Variants in GK5 observed in about 807,000 individuals in gnomAD.
The protein encoded by GK5 is glycerol kinase 5, also known as ATP:glycerol 3-phosphotransferase 5.
In GK5, 39 loss-of-function variants were observed where a neutral mutation model predicts 77.3. The observed-to-expected ratio is 0.50, with a 90% CI of 0.39 to 0.66. The LOEUF is 0.66. Ranked by LOEUF, GK5 falls within the 30% of genes least tolerant of loss-of-function variation. The probability of loss-of-function intolerance (pLI) is 0.00; values close to 1 mark genes in which losing one functional copy is unlikely to be tolerated. For synonymous variants in GK5, 211 were observed against 208.0 expected (o/e 1.01, Z -0.13); for missense variants, 487 against 633.8 (o/e 0.77, Z 2.49).
intron 5 of GK5, 89 bp from the exon 6 acceptor site, chr3:142,187,868 C>G: frequency 1.1e-6 from 1 of 874,774 alleles, no homozygotes; most frequent in Non-Finnish European, 1.8e-6. Flanking sequence ...AATATAAACC[C>G]ATTTTTATAA....
At chr3:142,217,496 G>A (rs1351922786) in intron 1 of GK5, among the ~76,000 whole-genome samples, 2 of 151,924 alleles carry the variant, frequency 1.3e-5, no homozygotes, top group African/African-American at 4.8e-5. Flanking sequence ...AAAGATTGGA[G>A]GAAAAAGAAG....
At chr3:142,174,165 T>G (rs1483844144) in intron 12 of GK5, among the ~76,000 whole-genome samples, 1 of 152,190 alleles carries the variant, frequency 6.6e-6, no homozygotes, top group Non-Finnish European at 1.5e-5. Context: ...CCAGTGTGTC[T>G]CTTGTGCCTA....
At chr3:142,178,048 G>C (rs2063644357) in intron 11 of GK5, among the ~76,000 whole-genome samples, 1 of 151,890 alleles carries the variant, frequency 6.6e-6, no homozygotes, top group Non-Finnish European at 1.5e-5. Flanking sequence ...AGTAGAGATG[G>C]GGTTTCTCCA....
intron 1 of GK5, among the ~76,000 whole-genome samples, chr3:142,221,191 A>T (rs1353541289): frequency 6.6e-6 from 1 of 152,248 alleles, no homozygotes; most frequent in Non-Finnish European, 1.5e-5. Flanking sequence ...GTGGAAAAAG[A>T]ATCTCTTATT....
intron 9 of GK5, among the ~76,000 whole-genome samples, chr3:142,184,146 A>G (rs1324535576): frequency 1.3e-5 from 2 of 150,946 alleles, no homozygotes; most frequent in African/African-American, 4.9e-5. Context: ...CTGTAGTCCC[A>G]GCTACTCGGG....
chr3:142,177,727 CAAAGACCATT>C, intron 11 of GK5, 151 bp from the exon 12 acceptor site: 1 of 596,510 alleles, frequency 1.7e-6, no homozygotes, highest in Admixed American at 3.1e-5. Flanking sequence ...AGGGTCAGCA[CAAAGACCATT>C]CTGTTCTGGT....
intron 3 of GK5, among the ~76,000 whole-genome samples, chr3:142,205,873 C>T (rs978275120): frequency 1.3e-5 from 2 of 152,236 alleles, no homozygotes; most frequent in Non-Finnish European, 2.9e-5. Context: ...TCACCCCAAA[C>T]AGAAGCTCTA....
intron 11 of GK5, among the ~76,000 whole-genome samples, chr3:142,180,397 G>C (rs1283304877): frequency 1.3e-5 from 2 of 151,820 alleles, no homozygotes; most frequent in African/African-American, 4.8e-5. Flanking sequence ...CCACCTCCTG[G>C]GTTCAAGTGA....
In GK5 at chr3:142,207,855, G is replaced by C. The variant is rs138491724; in HGVS notation, c.318-3067C>G. ...CAGATCACGCAATATTCACTCTGTT[G>C]ATAGGGTCCTGTTTTTCACCTTTAT... On this transcript the variant is annotated intron_variant, in intron 3 of 15. Transcript: ENST00000392993. Among the ~76,000 whole-genome samples the C allele has an allele frequency of 2.0e-5, 3 of 152,266 alleles. No individual in the cohort carries two copies. In the East Asian group the frequency reaches 5.8e-4, roughly 29 times the overall value.
intron 5 of GK5, among the ~76,000 whole-genome samples, chr3:142,190,685 C>T (rs1281202715): frequency 2.0e-5 from 3 of 152,136 alleles, no homozygotes; most frequent in Non-Finnish European, 4.4e-5. Flanking sequence ...AGAAAGGGAA[C>T]TTCCTTAATT....
At chr3:142,186,999 G>C (rs1021230577) in intron 6 of GK5, among the ~76,000 whole-genome samples, 3 of 152,062 alleles carry the variant, frequency 2.0e-5, no homozygotes, top group Non-Finnish European at 4.4e-5. Context: ...AACTTTTATA[G>C]TTGTGCAAAA....
chr3:142,218,100 A>C (rs2064297106), intron 1 of GK5, among the ~76,000 whole-genome samples: 1 of 152,186 alleles, frequency 6.6e-6, no homozygotes. Flanking sequence ...AATGGAACAG[A>C]ATACAGAGTC....
rs2063397081 is a variant in GK5 at position 142,158,115 on chromosome 3, C to T, written c.*7507G>A. On this transcript the variant is annotated 3_prime_UTR_variant, in exon 16 of 16. Coordinates refer to ENST00000392993, the MANE Select transcript of GK5 (RefSeq NM_001039547.3). Reference sequence around the variant, plus strand: ...TACAGGCACCCGCCACCACGCCTGGCTAATTTTTTGTATTTTTAGTAGAGA... The same window carrying T: ...TACAGGCACCCGCCACCACGCCTGGTTAATTTTTTGTATTTTTAGTAGAGA... The T allele has an allele frequency of 6.6e-6, 1 of 152,196 alleles. No homozygotes were observed. The highest frequency in any genetic ancestry group is 6.6e-5 in the Admixed American group (1 of 15,262). The allele number at this position is 152,196 out of a possible 1,614,324, so 9.4% of individuals were successfully genotyped here. A position where few individuals can be genotyped will look rare whatever the true frequency, so the allele number is the denominator to read the frequency against.
intron 15 of GK5, among the ~76,000 whole-genome samples, chr3:142,169,427 C>T (rs1242539539): frequency 6.6e-6 from 1 of 152,186 alleles, no homozygotes; most frequent in Non-Finnish European, 1.5e-5. Flanking sequence ...ATCTGATCAC[C>T]CTGGCCTGCC....
intron 5 of GK5, among the ~76,000 whole-genome samples, chr3:142,194,280 C>G (rs1366004603): frequency 6.6e-6 from 1 of 151,998 alleles, no homozygotes; most frequent in East Asian, 1.9e-4. Context: ...AATCCCAGCA[C>G]TTTGGAAGGT....
At chr3:142,186,359 T>C (rs1378295346) in intron 7 of GK5, 92 bp from the exon 8 acceptor site, 4 of 984,102 alleles carry the variant, frequency 4.1e-6, no homozygotes, top group South Asian at 3.1e-5. Context: ...CATGATATAT[T>C]TGTCAATTAA....
Position 142,165,412 on chromosome 3 carries a change from T to C in GK5, c.*210A>G, listed in dbSNP as rs2063462301. 4 of 411,262 alleles carry C rather than the reference T, an allele frequency of 9.7e-6. No homozygotes were observed. Among genetic ancestry groups the C allele is most frequent in the South Asian group, 6.9e-5 (1 of 14,580 alleles). 25.5% of individuals were successfully genotyped at this position (411,262 alleles called of 1,614,324 possible). On this transcript the variant is annotated 3_prime_UTR_variant, in exon 16 of 16. Coordinates refer to ENST00000392993, the MANE Select transcript of GK5 (RefSeq NM_001039547.3). ...GCTACAAAATAGAAGATATAAAGTT[T>C]TGAGGTATTGCTGCCTTACCATGGT... is the stretch of plus-strand genomic sequence containing the variant.
At chr3:142,199,901 T>A (rs960662724) in intron 4 of GK5, among the ~76,000 whole-genome samples, 1 of 152,074 alleles carries the variant, frequency 6.6e-6, no homozygotes, top group South Asian at 2.1e-4. Context: ...CTTTTGTTAA[T>A]CCTACCTCAC....
At chr3:142,173,089 T>A (rs778449509) in intron 12 of GK5, 6 of 370,958 alleles carry the variant, frequency 1.6e-5, no homozygotes, top group Admixed American at 3.5e-5. Context: ...TAGTTACAGC[T>A]ACTTGGGAGG....
Sources: allele counts gnomAD v4.1 joint callset (sites outside exome capture counted in the v4.1 genomes callset), GRCh38; gene constraint gnomAD v4.1.1; transcripts MANE v1.5; gene names NCBI Gene and HGNC (gene_info 2026-07-23, HGNC 2026-07-21).